Variants in STON1 observed in about 807,000 individuals in gnomAD.
STON1 encodes the protein stonin-1.
In STON1, 79 loss-of-function variants were observed where a neutral mutation model predicts 60.9. The observed-to-expected ratio is 1.30, with a 90% confidence interval of 1.08 to 1.56. STON1 has a LOEUF of 1.56. Ranked by LOEUF, STON1 falls within the 40% of genes most tolerant of loss-of-function variation. The pLI, the probability that STON1 is intolerant of heterozygous loss-of-function variation, is 0.00. For synonymous variants in STON1, 363 were observed against 306.9 expected, an observed-to-expected ratio of 1.18 and a Z score of -1.91; for missense variants, 1,166 against 858.9, an observed-to-expected ratio of 1.36 and a Z score of -4.47.
intron 1 of STON1, among the ~76,000 whole-genome samples, chr2:48,564,486 C>CTTCTTCT (rs1572952761): frequency 4.1e-5 from 1 of 24,684 alleles, no homozygotes; most frequent in African/African-American, 1.6e-4. Flanking sequence ...CTTCTTTCTT[C>CTTCTTCT]TTCTTCTTCT....
chr2:48,586,870 G>C (rs2103939869), intron 2 of STON1, among the ~76,000 whole-genome samples: 1 of 152,254 alleles, frequency 6.6e-6, no homozygotes, highest in South Asian at 2.1e-4. Flanking sequence ...AGAGAGGCAA[G>C]AGATGGGTGA....
At chr2:48,573,889 A>T (rs987263556) in intron 1 of STON1, among the ~76,000 whole-genome samples, 3 of 152,222 alleles carry the variant, frequency 2.0e-5, no homozygotes, top group African/African-American at 7.2e-5. Flanking sequence ...ATGACCTTGG[A>T]AACATTATGC....
At chr2:48,539,661 C>G (rs1671579825) in intron 1 of STON1, among the ~76,000 whole-genome samples, 1 of 152,022 alleles carries the variant, frequency 6.6e-6, no homozygotes, top group South Asian at 2.1e-4. Flanking sequence ...GCCAGCACAC[C>G]AGGCTAATTT....
Position 48,564,572 on chromosome 2 carries a change from TCTCCTTCTCCTCCTCCTCCTCCTCCTC to T in STON1, c.-47-16003_-47-15977del, listed in dbSNP as rs1558605749. Among the ~76,000 whole-genome samples the T allele has an allele frequency of 4.8e-3, 259 of 53,986 alleles. 56 individuals carry two copies. The highest frequency in any genetic ancestry group is 7.1e-3 in the Non-Finnish European group (195 of 27,586). The allele number at this position is 53,986 out of a possible 152,430, so 35.4% of individuals were successfully genotyped here. ...TTCTTCTTCTTCTTCTTCTTCTCCT[TCTCCTTCTCCTCCTCCTCCTCCTCCTC>T]CTCCTTCTCCTTCTCCTTCTCCTTC... is the stretch of plus-strand genomic sequence containing the variant. On this transcript the variant is annotated intron_variant, in intron 1 of 3. Coordinates refer to ENST00000404752, the MANE Select transcript of STON1 (RefSeq NM_006873.4).
chr2:48,564,480 T>TTTCTTCTTC (rs869188236), intron 1 of STON1, among the ~76,000 whole-genome samples: 20 of 32,486 alleles, frequency 6.2e-4, no homozygotes, highest in Non-Finnish European at 9.0e-4. Context: ...CTTCTTCTTC[T>TTTCTTCTTC]TTCTTCTTCT....
intron 1 of STON1, among the ~76,000 whole-genome samples, chr2:48,552,906 A>G (rs753773910): frequency 1.3e-5 from 2 of 152,204 alleles, no homozygotes; most frequent in African/African-American, 2.4e-5. Context: ...TTCTGGTTCT[A>G]TGGGTTGACT....
At chr2:48,564,724 TCTTTCTTTC>T (rs1375263886) in intron 1 of STON1, among the ~76,000 whole-genome samples, 2 of 141,000 alleles carry the variant, frequency 1.4e-5, no homozygotes, top group Admixed American at 7.4e-5. Flanking sequence ...CTTCTTTCTT[TCTTTCTTTC>T]TTTTTTTTTT....
chr2:48,555,290 C>A (rs1672279598), intron 1 of STON1, among the ~76,000 whole-genome samples: 1 of 94,412 alleles, frequency 1.1e-5, no homozygotes. Context: ...CCCTCACCTC[C>A]CGGACGGGGC....
intron 1 of STON1, among the ~76,000 whole-genome samples, chr2:48,548,584 C>T (rs1461376732): frequency 1.3e-5 from 2 of 151,812 alleles, no homozygotes; most frequent in Non-Finnish European, 2.9e-5. Context: ...CTGAAGCCTC[C>T]ACCTCCCGAG....
At chr2:48,583,754 CTTTTTTTTTT>C (rs905822150) in intron 2 of STON1, among the ~76,000 whole-genome samples, 1 of 133,698 alleles carries the variant, frequency 7.5e-6, no homozygotes, top group Non-Finnish European at 1.6e-5. Flanking sequence ...TCTTTTTTTT[CTTTTTTTTTT>C]TTTTTTGAGA....
chr2:48,550,977 T>G (rs184012103), intron 1 of STON1, among the ~76,000 whole-genome samples: 5 of 151,914 alleles, frequency 3.3e-5, no homozygotes, highest in Non-Finnish European at 5.9e-5. Context: ...TTAAAAAAAA[T>G]TTTTTGTAAC....
chr2:48,564,417 T>TTCTTCCTCC (rs1230455524), intron 1 of STON1, among the ~76,000 whole-genome samples: 1 of 40,320 alleles, frequency 2.5e-5, no homozygotes, highest in Non-Finnish European at 6.1e-5. Context: ...CTTCTTCTTC[T>TTCTTCCTCC]TCTTCTTCTT....
At chr2:48,578,536 TCCTTCTC>T (rs1673662031) in intron 1 of STON1, among the ~76,000 whole-genome samples, 3 of 37,110 alleles carry the variant, frequency 8.1e-5, no homozygotes, top group Non-Finnish European at 2.6e-4. Context: ...CTCTTTCTCC[TCCTTCTC>T]CTCCTTCTCC....
At chr2:48,543,774 CGCCT>C (rs1671753606) in intron 1 of STON1, among the ~76,000 whole-genome samples, 1 of 152,102 alleles carries the variant, frequency 6.6e-6, no homozygotes, top group Admixed American at 6.6e-5. Flanking sequence ...TCAGGTGATC[CGCCT>C]GCCTCAGCCC....
intron 1 of STON1, among the ~76,000 whole-genome samples, chr2:48,564,516 C>CT (rs1225466877): frequency 2.9e-5 from 1 of 35,086 alleles, no homozygotes; most frequent in Non-Finnish European, 5.5e-5. Context: ...TCTTCTTCTT[C>CT]TTCTTCTTCT....
intron 1 of STON1, among the ~76,000 whole-genome samples, chr2:48,547,782 G>A (rs192901078): frequency 2.0e-5 from 3 of 152,278 alleles, no homozygotes; most frequent in East Asian, 3.9e-4. Flanking sequence ...GCGGTTAATA[G>A]GAAGGAGAAA....
rs1320407113 is a variant in STON1, at chr2:48,582,193, G to A, written c.1560G>A (p.Leu520=). 1.2e-6 allele frequency: 2 copies of A among 1,614,086 alleles called. No individual in the cohort carries two copies. Among genetic ancestry groups the A allele is most frequent in the Middle Eastern group, 1.6e-4 (1 of 6,084 alleles). Residue 520 remains leucine, a synonymous_variant, in exon 2 of 4, where the codon TTG becomes TTA. Transcript: ENST00000404752. ...CRFELMRFKT[L]YNGDNLPFSL... ...TTGAGCTGATGCGTTTCAAGACTTT[G>A]TATAATGGGGATAATCTTCCCTTTT...
Position 48,591,659 on chromosome 2 carries a change from A to G in STON1, c.1937A>G (p.Asp646Gly), listed in dbSNP as rs768488344. 4 of 1,613,756 alleles carry G rather than the reference A, an allele frequency of 2.5e-6. No individual in the cohort carries two copies. Among genetic ancestry groups the G allele is most frequent in the Non-Finnish European group, 3.4e-6 (4 of 1,180,000 alleles). ...TGATTTTTTTTCCCTCGAGGTCTAG[A>G]TCATCCCCATTGTCTGTCATACAAA... ...DRLPDKNSSL[D>G]HPHCLSYKLE... The change falls in exon 3 of 4, where the codon GAT (aspartate) becomes GGT (glycine). Residue 646 changes from aspartate to glycine, a missense_variant. Coordinates refer to ENST00000404752, the MANE Select transcript of STON1 (RefSeq NM_006873.4).
chr2:48,581,221 C>T lies in STON1; in HGVS notation c.588C>T (p.Phe196=), dbSNP rs1464063503. The T allele has an allele frequency of 3.3e-6, 5 of 1,518,912 alleles. No homozygotes were observed. In the African/African-American group the frequency reaches 4.2e-5, roughly 13 times the overall value. 94.1% of individuals were successfully genotyped at this position (1,518,912 alleles called of 1,614,324 possible). A position where few individuals can be genotyped will look rare whatever the true frequency, so the allele number is the denominator to read the frequency against. Residue 196 remains phenylalanine (F), a synonymous_variant, in exon 2 of 4, where the codon TTC becomes TTT. Coordinates refer to ENST00000404752, the MANE Select transcript of STON1 (RefSeq NM_006873.4). ...FWKDEGSDSH[F]TLDPPGSKKM... ...AAGATGAAGGCAGTGATTCCCATTT[C>T]ACCCTTGACCCACCAGGAAGCAAAA...
Sources: gnomAD v4.1 joint callset for allele counts (sites outside exome capture counted in the v4.1 genomes callset) on GRCh38, gnomAD v4.1.1 for gene constraint, MANE v1.5 for transcripts, NCBI Gene and HGNC (gene_info 2026-07-23, HGNC 2026-07-21) for gene names.